The following SLC9C1 variants were observed in gnomAD, a reference collection of about 807,000 sequenced individuals.
SLC9C1 encodes sodium/hydrogen exchanger 10.
SLC9C1 carries 97 observed loss-of-function variants against 140.9 expected under a neutral mutation model. The ratio of observed to expected loss-of-function variants is 0.69; its 90% CI spans 0.58 to 0.82. The LOEUF is 0.82. Among genes scored for constraint, SLC9C1 ranks in the 40% least tolerant of loss-of-function variants. The pLI, the probability that SLC9C1 is intolerant of heterozygous loss-of-function variation, is 0.00. For missense variants in SLC9C1, 1,340 were observed against 1,389.3 expected, an observed-to-expected ratio of 0.96 and a Z score of 0.56; for synonymous variants, 440 against 442.6, an observed-to-expected ratio of 0.99 and a Z score of 0.07.
intron 20 of SLC9C1, 50 bp downstream of exon 20, chr3:112,199,271 A>G (rs754883785): frequency 1.4e-6 from 2 of 1,390,108 alleles, no homozygotes; most frequent in Admixed American, 2.5e-5. Context: ...AAGGTCATGA[A>G]TGATTATGTA....
chr3:112,278,215 G>A lies in SLC9C1; in HGVS notation c.319-355C>T, dbSNP rs1319398139. ...CTGTTTTGATTACTTTGAAAGAAAC[G>A]TACACCCTACTTATGATTTGGAGTG... On this transcript the variant is annotated intron_variant, in intron 4 of 28. Coordinates refer to ENST00000305815, the MANE Select transcript of SLC9C1 (RefSeq NM_183061.3). 2.6e-5 allele frequency among the ~76,000 whole-genome samples: 4 copies of A among 152,122 alleles called. No homozygotes were observed. In the East Asian group the frequency reaches 5.8e-4, roughly 22 times the overall value.
rs1045892173 is a variant in SLC9C1 at position 112,238,517 on chromosome 3, G to T, written c.1446+1323C>A. On this transcript the variant is annotated intron_variant, in intron 12 of 28. Coordinates refer to ENST00000305815, the MANE Select transcript of SLC9C1 (RefSeq NM_183061.3). ...GCTGGTGAGGAGCTGCGTTCCTTTG[G>T]AGGAGGAGAGGTGCTCTGATTTTTA... 2.0e-5 allele frequency among the ~76,000 whole-genome samples: 3 copies of T among 152,188 alleles called. No homozygotes were observed. In the East Asian group the frequency reaches 5.8e-4, roughly 29 times the overall value.
intron 23 of SLC9C1, among the ~76,000 whole-genome samples, chr3:112,175,391 C>A (rs1194665142): frequency 6.6e-6 from 1 of 152,082 alleles, no homozygotes; most frequent in Non-Finnish European, 1.5e-5. Context: ...AGCTGGAGAA[C>A]CCGGTCAGGA....
rs533026978 is a variant in SLC9C1 at position 112,279,181 on chromosome 3, A to G, written c.190-324T>C. Among the ~76,000 whole-genome samples, 7 of 152,302 alleles carry G rather than the reference A, an allele frequency of 4.6e-5. No individual in the cohort carries two copies. The South Asian group carries it at 1.2e-3, about 27-fold the overall frequency. ...GGTATCCATTCAATATTCACTTACT[A>G]GGGAAACACTGAGTACCTACTGTGT... On this transcript the variant is annotated intron_variant, in intron 3 of 28. Coordinates refer to ENST00000305815, the MANE Select transcript of SLC9C1 (RefSeq NM_183061.3).
intron 26 of SLC9C1, among the ~76,000 whole-genome samples, chr3:112,163,446 C>A (rs1224268397): frequency 2.0e-5 from 3 of 150,590 alleles, no homozygotes; most frequent in Admixed American, 2.0e-4. Flanking sequence ...GCTTTGAATG[C>A]GTCCCAGAGA....
At chr3:112,210,955 C>A (rs2078186052) in intron 15 of SLC9C1, among the ~76,000 whole-genome samples, 1 of 152,040 alleles carries the variant, frequency 6.6e-6, no homozygotes, top group Admixed American at 6.6e-5. Context: ...TTATATTATG[C>A]CATAATCTCC....
intron 12 of SLC9C1, among the ~76,000 whole-genome samples, chr3:112,234,122 C>A (rs1402492964): frequency 6.6e-6 from 1 of 152,186 alleles, no homozygotes; most frequent in South Asian, 2.1e-4. Context: ...TCCTATTTCT[C>A]CACATCCCTC....
intron 1 of SLC9C1, among the ~76,000 whole-genome samples, chr3:112,287,445 G>A (rs181410977): frequency 2.0e-5 from 3 of 152,288 alleles, no homozygotes; most frequent in East Asian, 1.9e-4. Context: ...AAATTTATAT[G>A]TGTATATAGC....
At chr3:112,211,258 C>A (rs771051277) in intron 15 of SLC9C1, among the ~76,000 whole-genome samples, 4 of 152,214 alleles carry the variant, frequency 2.6e-5, no homozygotes, top group Non-Finnish European at 4.4e-5. Flanking sequence ...GGAACAGCTC[C>A]AGTCTACAGC....
intron 20 of SLC9C1, among the ~76,000 whole-genome samples, chr3:112,182,799 C>T (rs779140745): frequency 6.6e-6 from 1 of 152,206 alleles, no homozygotes; most frequent in Non-Finnish European, 1.5e-5. Context: ...AATATAACTA[C>T]TATACTTCTA....
chr3:112,187,904 T>C (rs2077570121), intron 20 of SLC9C1, among the ~76,000 whole-genome samples: 1 of 152,012 alleles, frequency 6.6e-6, no homozygotes. Flanking sequence ...TACAGGTTAC[T>C]TTTTTCCTAC....
intron 10 of SLC9C1, among the ~76,000 whole-genome samples, chr3:112,248,938 A>C (rs2079370782): frequency 6.6e-6 from 1 of 152,036 alleles, no homozygotes; most frequent in Non-Finnish European, 1.5e-5. Flanking sequence ...GGTGCCTTTT[A>C]TTTCTTTCTC....
chr3:112,193,183 C>CT (rs2077699828), intron 20 of SLC9C1, among the ~76,000 whole-genome samples: 1 of 152,184 alleles, frequency 6.6e-6, no homozygotes, highest in Admixed American at 6.5e-5. Context: ...CAGGTATAGA[C>CT]TTGCCGGACT....
chr3:112,213,923 T>C (rs1353055092), intron 15 of SLC9C1, among the ~76,000 whole-genome samples: 2 of 152,134 alleles, frequency 1.3e-5, no homozygotes, highest in African/African-American at 2.4e-5. Context: ...TAGCACCACA[T>C]CACACTTATT....
At position 112,217,525 on chromosome 3, in the gene SLC9C1, T is replaced by C. The variant is rs2108108006; in HGVS notation, c.1707A>G (p.Glu569=). The change falls in exon 15 of 29, where the codon GAA becomes GAG. Residue 569 remains glutamate, a synonymous_variant. Transcript: ENST00000305815. ...MSLDTIKNYS[E]SQKTVTFARK... ...TAGCAAAGGTAACTGTTTTTTGGCT[T>C]TCAGAATAATTCTTTATTGTATCAA... 6.2e-7 allele frequency: 1 copy of C among 1,608,472 alleles called. No individual in the cohort carries two copies. Among genetic ancestry groups the C allele is most frequent in the Middle Eastern group, 1.7e-4 (1 of 6,028 alleles).
intron 27 of SLC9C1, among the ~76,000 whole-genome samples, chr3:112,153,408 A>G (rs1560006704): frequency 6.6e-6 from 1 of 151,632 alleles, no homozygotes; most frequent in Non-Finnish European, 1.5e-5. Flanking sequence ...AAGTCATCTA[A>G]TATTTTATTT....
intron 10 of SLC9C1, among the ~76,000 whole-genome samples, chr3:112,253,064 C>T (rs908223405): frequency 2.6e-5 from 4 of 152,150 alleles, no homozygotes; most frequent in African/African-American, 7.2e-5. Flanking sequence ...AGCATCCTTA[C>T]GAAAAAGTAA....
At chr3:112,247,036 C>G (rs2079306259) in intron 10 of SLC9C1, among the ~76,000 whole-genome samples, 1 of 152,086 alleles carries the variant, frequency 6.6e-6, no homozygotes, top group Admixed American at 6.6e-5. Flanking sequence ...ATGAAAACAT[C>G]CTGTTAGATT....
intron 10 of SLC9C1, 42 bp from the exon 11 acceptor site, chr3:112,244,118 T>A (rs1367243058): frequency 8.1e-7 from 1 of 1,240,362 alleles, no homozygotes; most frequent in Admixed American, 1.9e-5. Flanking sequence ...CATGACAATT[T>A]CATATAATAT....
Sources: gnomAD v4.1 joint callset for allele counts (sites outside exome capture counted in the v4.1 genomes callset) on GRCh38, gnomAD v4.1.1 for gene constraint, MANE v1.5 for transcripts, NCBI Gene and HGNC (gene_info 2026-07-23, HGNC 2026-07-21) for gene names.